Variants in SPOCK1 observed in about 807,000 individuals in gnomAD.
SPOCK1 encodes testican-1.
SPOCK1 carries 23 observed loss-of-function variants against 55.3 expected under a neutral mutation model. That is an observed-to-expected ratio of 0.42 (90% CI 0.30 to 0.59). The LOEUF (loss-of-function observed/expected upper bound fraction) is 0.59, where lower values mean the gene tolerates loss of function less well. SPOCK1 is among the 20% of genes least tolerant of loss of function. The pLI is 0.22. For missense variants in SPOCK1, 499 were observed against 552.5 expected (o/e 0.90, Z 0.97); for synonymous variants, 226 against 221.0 (o/e 1.02, Z -0.20).
At chr5:137,097,443 A>C (rs546760391) in intron 5 of SPOCK1, among the ~76,000 whole-genome samples, 58 of 152,282 alleles carry the variant, frequency 3.8e-4, no homozygotes, top group Non-Finnish European at 5.4e-4. Flanking sequence ...AAGCCTGATA[A>C]CTATTCCCAA....
intron 2 of SPOCK1, among the ~76,000 whole-genome samples, chr5:137,375,334 A>G (rs1373666933): frequency 6.6e-6 from 1 of 152,204 alleles, no homozygotes; most frequent in African/African-American, 2.4e-5. Flanking sequence ...AAGAATATAT[A>G]CTGGATGAAT....
intron 2 of SPOCK1, among the ~76,000 whole-genome samples, chr5:137,479,649 T>C (rs1753908060): frequency 6.6e-6 from 1 of 152,234 alleles, no homozygotes; most frequent in African/African-American, 2.4e-5. Context: ...TGCACAGTGA[T>C]TGTGAATGCA....
At chr5:137,213,181 C>T (rs1580810447) in intron 3 of SPOCK1, among the ~76,000 whole-genome samples, 1 of 152,202 alleles carries the variant, frequency 6.6e-6, no homozygotes, top group Admixed American at 6.5e-5. Context: ...CCCAGCACCA[C>T]TGTAGTCATA....
At chr5:137,089,203 T>C (rs977885930) in intron 5 of SPOCK1, among the ~76,000 whole-genome samples, 1 of 152,150 alleles carries the variant, frequency 6.6e-6, no homozygotes, top group East Asian at 1.9e-4. Flanking sequence ...TGCTCATGAG[T>C]GTCAAAGTCT....
At chr5:137,445,790 A>G (rs1753114573) in intron 2 of SPOCK1, among the ~76,000 whole-genome samples, 1 of 152,206 alleles carries the variant, frequency 6.6e-6, no homozygotes, top group Admixed American at 6.5e-5. Flanking sequence ...TGAAGAATTT[A>G]TAAACGGTAT....
intron 2 of SPOCK1, among the ~76,000 whole-genome samples, chr5:137,455,376 A>G (rs1192463361): frequency 1.3e-5 from 2 of 152,184 alleles, no homozygotes; most frequent in Non-Finnish European, 2.9e-5. Context: ...TCCAGGGCAC[A>G]CTGTAGGCAC....
At chr5:137,152,167 G>A (rs1754329431) in intron 3 of SPOCK1, among the ~76,000 whole-genome samples, 1 of 152,178 alleles carries the variant, frequency 6.6e-6, no homozygotes, top group Non-Finnish European at 1.5e-5. Flanking sequence ...ACTGGTAAGT[G>A]CCGTATAACT....
intron 6 of SPOCK1, among the ~76,000 whole-genome samples, chr5:137,041,089 T>C (rs1322813915): frequency 6.6e-6 from 1 of 152,178 alleles, no homozygotes; most frequent in Non-Finnish European, 1.5e-5. Context: ...CTCATATTAC[T>C]AGATTTCACG....
chr5:137,421,102 C>CG (rs1256444233), intron 2 of SPOCK1, among the ~76,000 whole-genome samples: 1 of 152,110 alleles, frequency 6.6e-6, no homozygotes, highest in Non-Finnish European at 1.5e-5. Context: ...TGTAGTTGAG[C>CG]GGTTTTGAGT....
chr5:136,983,183 C>T (rs1009852007), intron 9 of SPOCK1, among the ~76,000 whole-genome samples: 5 of 152,252 alleles, frequency 3.3e-5, no homozygotes, highest in East Asian at 1.9e-4. Flanking sequence ...ATTTTGTGAG[C>T]GTGCTTACAT....
intron 2 of SPOCK1, among the ~76,000 whole-genome samples, chr5:137,423,659 C>T (rs957447744): frequency 1.3e-5 from 2 of 152,290 alleles, no homozygotes; most frequent in East Asian, 1.9e-4. Context: ...GGGAGTGACC[C>T]GATTTTCCAG....
intron 6 of SPOCK1, among the ~76,000 whole-genome samples, chr5:137,031,460 ATGTT>A (rs1175438636): frequency 6.6e-6 from 1 of 152,224 alleles, no homozygotes; most frequent in Non-Finnish European, 1.5e-5. Flanking sequence ...CAGCTACTAT[ATGTT>A]TGTAATTCTA....
chr5:137,488,197 C>T (rs549698340), intron 2 of SPOCK1, among the ~76,000 whole-genome samples: 2 of 152,032 alleles, frequency 1.3e-5, no homozygotes, highest in Admixed American at 6.6e-5. Flanking sequence ...GCCAATGCGG[C>T]GAAACCCCAT....
chr5:137,008,476 C>G (rs1204072987), intron 6 of SPOCK1, among the ~76,000 whole-genome samples: 1 of 152,000 alleles, frequency 6.6e-6, no homozygotes, highest in South Asian at 2.1e-4. Flanking sequence ...AAAGTTGAAC[C>G]AAGGATTTTA....
intron 2 of SPOCK1, among the ~76,000 whole-genome samples, chr5:137,379,699 G>T (rs1164991512): frequency 6.6e-6 from 1 of 152,158 alleles, no homozygotes; most frequent in Non-Finnish European, 1.5e-5. Flanking sequence ...CATGAAATCA[G>T]CATCTGACTT....
At chr5:137,206,070 C>T (rs959538453) in intron 3 of SPOCK1, among the ~76,000 whole-genome samples, 1 of 152,212 alleles carries the variant, frequency 6.6e-6, no homozygotes, top group Non-Finnish European at 1.5e-5. Context: ...TGCAGCACAA[C>T]GACTCAAAAG....
intron 2 of SPOCK1, among the ~76,000 whole-genome samples, chr5:137,449,899 A>G (rs1372856527): frequency 7.0e-6 from 1 of 143,606 alleles, no homozygotes; most frequent in Non-Finnish European, 1.5e-5. Context: ...AAAAAAAAAA[A>G]AAAAAAAAAA....
intron 3 of SPOCK1, among the ~76,000 whole-genome samples, chr5:137,227,502 G>T (rs1211429168): frequency 6.6e-6 from 1 of 152,186 alleles, no homozygotes; most frequent in Admixed American, 6.5e-5. Flanking sequence ...GCTCTGGTAT[G>T]CTCGAAACAG....
intron 3 of SPOCK1, among the ~76,000 whole-genome samples, chr5:137,221,326 T>C (rs567222229): frequency 5.7e-4 from 87 of 152,318 alleles, no homozygotes; most frequent in African/African-American, 2.1e-3. Context: ...GAAACTGCCA[T>C]GTGCATCCAG....
Sources: gnomAD v4.1 joint callset for allele counts (sites outside exome capture counted in the v4.1 genomes callset) on GRCh38, gnomAD v4.1.1 for gene constraint, MANE v1.5 for transcripts, NCBI Gene and HGNC (gene_info 2026-07-23, HGNC 2026-07-21) for gene names.